The following BBS9 variants were observed in gnomAD, a reference collection of about 807,000 sequenced individuals.
The protein encoded by BBS9 is protein PTHB1.
A neutral mutation model predicts 117.7 loss-of-function variants in BBS9; 89 were observed. The observed-to-expected ratio is 0.76, with a 90% confidence interval of 0.64 to 0.90. The LOEUF is 0.90. BBS9 is among the 40% of genes least tolerant of loss of function. BBS9 has a pLI of 0.00. For missense variants in BBS9, 982 were observed against 1,042.2 expected (o/e 0.94, Z 0.80); for synonymous variants, 379 against 370.9 (o/e 1.02, Z -0.25).
chr7:33,608,532 C>T (rs1462915214), downstream of BBS9, among the ~76,000 whole-genome samples: 1 of 152,058 alleles, frequency 6.6e-6, no homozygotes, highest in Non-Finnish European at 1.5e-5. Context: ...TCCCCACAGC[C>T]TTGCCAGCTA....
At chr7:33,195,618 A>T (rs1784812382) in intron 5 of BBS9, among the ~76,000 whole-genome samples, 1 of 152,228 alleles carries the variant, frequency 6.6e-6, no homozygotes. Context: ...TGTGGTATTC[A>T]GAACTATCGA....
rs534188548 is a variant in BBS9 at position 33,347,827 on chromosome 7, C to G, written c.1330-1241C>G. On this transcript the variant is annotated intron_variant, in intron 12 of 22. Transcript: ENST00000242067. ...TACTTTTCTTAACAATAAGAATGGT[C>G]CTTGAATTATGTTAATGTATGTATC... Among the ~76,000 whole-genome samples, 6 of 151,802 alleles carry G rather than the reference C, an allele frequency of 4.0e-5. No homozygotes were observed. In the East Asian group the frequency reaches 1.2e-3, roughly 29 times the overall value.
At chr7:33,264,608 T>C (rs561972774) in intron 7 of BBS9, among the ~76,000 whole-genome samples, 13 of 152,186 alleles carry the variant, frequency 8.5e-5, no homozygotes, top group Admixed American at 7.2e-4. Context: ...ACTAGAACTG[T>C]GGATATCCAG....
chr7:33,315,290 G>C (rs958402235), intron 9 of BBS9, among the ~76,000 whole-genome samples: 2 of 152,056 alleles, frequency 1.3e-5, no homozygotes, highest in Non-Finnish European at 2.9e-5. Flanking sequence ...GTGTTCCTTG[G>C]CTAGTAGACT....
At chr7:33,346,868 T>C (rs1428861702) in intron 12 of BBS9, among the ~76,000 whole-genome samples, 1 of 152,234 alleles carries the variant, frequency 6.6e-6, no homozygotes, top group Non-Finnish European at 1.5e-5. Flanking sequence ...TAAAACTGAG[T>C]TCTCATAAGA....
intron 16 of BBS9, among the ~76,000 whole-genome samples, chr7:33,366,349 G>C (rs535650244): frequency 6.6e-6 from 1 of 152,056 alleles, no homozygotes; most frequent in South Asian, 2.1e-4. Flanking sequence ...CCAGCCATTT[G>C]TTCCGTTTTG....
intron 5 of BBS9, among the ~76,000 whole-genome samples, chr7:33,183,177 A>C (rs1798325501): frequency 6.6e-6 from 1 of 152,146 alleles, no homozygotes; most frequent in African/African-American, 2.4e-5. Flanking sequence ...TTAGGGTTCC[A>C]CGAGGGAAAC....
chr7:33,542,849 T>A (rs557369097), intron 21 of BBS9, among the ~76,000 whole-genome samples: 1 of 150,664 alleles, frequency 6.6e-6, no homozygotes, highest in South Asian at 2.1e-4. Context: ...AGTTTCTTTA[T>A]CCAGTTGTTG....
chr7:33,334,905 T>C (rs898466997), intron 9 of BBS9, among the ~76,000 whole-genome samples: 8 of 152,190 alleles, frequency 5.3e-5, no homozygotes, highest in African/African-American at 1.9e-4. Context: ...TCAAGTAATA[T>C]GACAGGGTTG....
chr7:33,318,654 A>C (rs1584294538), intron 9 of BBS9, among the ~76,000 whole-genome samples: 2 of 151,944 alleles, frequency 1.3e-5, no homozygotes, highest in East Asian at 3.9e-4. Context: ...TTTAGTGGTG[A>C]TTTGTGAGAT....
chr7:33,169,709 T>C (rs1345735980), intron 4 of BBS9, among the ~76,000 whole-genome samples: 1 of 152,050 alleles, frequency 6.6e-6, no homozygotes, highest in African/African-American at 2.4e-5. Context: ...TTCTGGATAT[T>C]AGCCCTTTGT....
intron 21 of BBS9, among the ~76,000 whole-genome samples, chr7:33,621,599 C>T (rs1865409447): frequency 6.6e-6 from 1 of 152,056 alleles, no homozygotes; most frequent in Admixed American, 6.6e-5. Flanking sequence ...TTAGTGCAGC[C>T]ATTAGTGTAA....
chr7:33,177,405 G>A, intron 4 of BBS9, 73 bp from the exon 5 acceptor site: 1 of 960,190 alleles, frequency 1.0e-6, no homozygotes, highest in Non-Finnish European at 1.7e-6. Context: ...TAGAATCGGA[G>A]TAGTGGATGA....
chr7:33,137,774 A>G (rs1790763161), intron 1 of BBS9, among the ~76,000 whole-genome samples: 1 of 152,148 alleles, frequency 6.6e-6, no homozygotes, highest in South Asian at 2.1e-4. Flanking sequence ...GTAAGTCCTT[A>G]TTGTTCAATA....
chr7:33,408,570 G>A (rs187616219), intron 19 of BBS9, among the ~76,000 whole-genome samples: 18 of 152,252 alleles, frequency 1.2e-4, no homozygotes, highest in African/African-American at 3.4e-4. Context: ...GTTCCTATTC[G>A]GCCATCTTGG....
intron 9 of BBS9, among the ~76,000 whole-genome samples, chr7:33,306,818 T>C (rs1485841422): frequency 6.6e-6 from 1 of 152,148 alleles, no homozygotes; most frequent in Non-Finnish European, 1.5e-5. Context: ...TGTTTCATAT[T>C]TTAAGCATAG....
chr7:33,402,656 A>G (rs560295785), intron 19 of BBS9, among the ~76,000 whole-genome samples: 10 of 152,302 alleles, frequency 6.6e-5, no homozygotes, highest in African/African-American at 2.4e-4. Flanking sequence ...AGGTTCATCT[A>G]TCAGTTTTCC....
intron 9 of BBS9, among the ~76,000 whole-genome samples, chr7:33,293,971 A>G (rs1804630065): frequency 6.6e-6 from 1 of 152,112 alleles, no homozygotes; most frequent in Non-Finnish European, 1.5e-5. Flanking sequence ...GTGGAGCACA[A>G]GTTATATTGT....
At chr7:33,603,541 ATGGT>A (rs1864122799) in intron 21 of BBS9, among the ~76,000 whole-genome samples, 1 of 152,130 alleles carries the variant, frequency 6.6e-6, no homozygotes. Context: ...TACCTATTTC[ATGGT>A]GTAGTGTGTA....
Sources: gnomAD v4.1 joint callset for allele counts (sites outside exome capture counted in the v4.1 genomes callset) on GRCh38, gnomAD v4.1.1 for gene constraint, MANE v1.5 for transcripts, NCBI Gene and HGNC (gene_info 2026-07-23, HGNC 2026-07-21) for gene names.